The following SPINDOC variants were observed in gnomAD, a reference collection of about 807,000 sequenced individuals.
SPINDOC encodes the protein spindlin interactor and repressor of chromatin-binding protein.
Under a neutral mutation model 30.7 loss-of-function variants are expected in SPINDOC, and 13 were observed. The ratio of observed to expected loss-of-function variants is 0.42; its 90% CI spans 0.28 to 0.67. The LOEUF is 0.67. SPINDOC is among the 30% of genes least tolerant of loss of function. SPINDOC has a pLI of 0.22. For missense variants in SPINDOC, 438 were observed against 518.0 expected (o/e 0.85, Z 1.50); for synonymous variants, 228 against 211.4 (o/e 1.08, Z -0.68).
Position 63,827,392 on chromosome 11 carries a change from G to T in SPINDOC, c.*253G>T. The T allele has an allele frequency of 1.7e-6, 1 of 581,790 alleles. No individual in the cohort carries two copies. The highest frequency in any genetic ancestry group is 3.0e-6 in the Non-Finnish European group (1 of 330,228). 36.0% of individuals were successfully genotyped at this position (581,790 alleles called of 1,614,324 possible). A position where few individuals can be genotyped will look rare whatever the true frequency, so the allele number is the denominator to read the frequency against. ...GGGCCTGTGGAGAACACCTACCCCA[G>T]TCCTTCGCTGACCCCCACCTCTGTT... On this transcript the variant is annotated 3_prime_UTR_variant, in exon 6 of 6. Coordinates refer to ENST00000294244, the MANE Select transcript of SPINDOC (RefSeq NM_138471.3).
intron 5 of SPINDOC, among the ~76,000 whole-genome samples, chr11:63,826,338 C>G (rs938725641): frequency 6.6e-6 from 1 of 152,178 alleles, no homozygotes; most frequent in African/African-American, 2.4e-5. Context: ...GCCTCGAGGC[C>G]CAGCTTTGCC....
chr11:63,818,921 A>T lies in SPINDOC; in HGVS notation c.853A>T (p.Arg285Trp), dbSNP rs768380262. The T allele has an allele frequency of 6.2e-7, 1 of 1,614,158 alleles. No individual in the cohort carries two copies. Among genetic ancestry groups the T allele is most frequent in the Non-Finnish European group, 8.5e-7 (1 of 1,180,036 alleles). The change falls in exon 5 of 6, where the codon AGG becomes TGG. Residue 285 changes from arginine (R) to tryptophan (W), a missense_variant. Physicochemically the swap from Arg to Trp is moderately radical, Grantham distance 101. Around this residue, in one of 3 missense-constraint regions of SPINDOC, gnomAD observed 300 missense variants for 332.8 expected, o/e 0.90. Coordinates refer to ENST00000294244, the MANE Select transcript of SPINDOC (RefSeq NM_138471.3). The surrounding 1 kb of genome is among the most constrained non-coding windows in gnomAD (Gnocchi z 5.3). ...VLQLFSHTQL[R>W]GPDSKDSPKD... ...GCAGCTCTTCTCCCACACCCAGCTC[A>T]GGGGCCCAGACAGCAAGGACTCACC...
chr11:63,813,710 C>G lies in SPINDOC; in HGVS notation c.24C>G (p.Ala8=). 1 of 1,585,844 alleles carries G rather than the reference C, an allele frequency of 6.3e-7. No homozygotes were observed. The highest frequency in any genetic ancestry group is 8.6e-7 in the Non-Finnish European group (1 of 1,168,852). The change falls in exon 1 of 6, where the codon GCC becomes GCG. Residue 8 remains alanine (A), a synonymous_variant. Transcript: ENST00000294244. ...CCATGGCCCTAAAGGCCGAGGGCGC[C>G]GCACTCGACTGCTTCGAGGTGACGC... The part of the protein sequence containing the change: MALKAEG[A]ALDCFEVTLK...
At chr11:63,822,586 C>T in intron 5 of SPINDOC, 8 of 1,288,486 alleles carry the variant, frequency 6.2e-6, no homozygotes, top group Non-Finnish European at 8.1e-6. Flanking sequence ...GATCTCGAGG[C>T]AGGCCTCACC....
intron 1 of SPINDOC, among the ~76,000 whole-genome samples, chr11:63,815,266 G>A (rs547184609): frequency 6.6e-6 from 1 of 152,340 alleles, no homozygotes; most frequent in East Asian, 1.9e-4. Flanking sequence ...TCTGCAGGAA[G>A]AGCATTTCAG....
At chr11:63,825,408 CCT>C (rs1389199305) in intron 5 of SPINDOC, among the ~76,000 whole-genome samples, 6 of 152,182 alleles carry the variant, frequency 3.9e-5, no homozygotes, top group African/African-American at 7.2e-5. Flanking sequence ...TCTGTGGTCC[CCT>C]GTCAGCTTTC....
intron 1 of SPINDOC, among the ~76,000 whole-genome samples, chr11:63,816,495 T>C (rs2015342838): frequency 6.6e-6 from 1 of 152,056 alleles, no homozygotes; most frequent in African/African-American, 2.4e-5. Context: ...GAGAGATAGG[T>C]ACAAGACATA....
chr11:63,827,257 G>A lies in SPINDOC; in HGVS notation c.*118G>A. 2 of 1,480,570 alleles carry A rather than the reference G, an allele frequency of 1.4e-6. No individual in the cohort carries two copies. Among genetic ancestry groups the A allele is most frequent in the Non-Finnish European group, 1.8e-6 (2 of 1,107,044 alleles). The allele number at this position is 1,480,570 out of a possible 1,614,324, so 91.7% of individuals were successfully genotyped here. A position where few individuals can be genotyped will look rare whatever the true frequency, so the allele number is the denominator to read the frequency against. On this transcript the variant is annotated 3_prime_UTR_variant, in exon 6 of 6. Transcript: ENST00000294244. ...AGAGTAGAAACAGGTGCCAGGGCAG[G>A]AGGGGGCTGGGGCAGCATCCACTGT... is the stretch of plus-strand genomic sequence containing the variant.
chr11:63,823,666 G>C (rs1269920666), intron 5 of SPINDOC, among the ~76,000 whole-genome samples: 1 of 152,070 alleles, frequency 6.6e-6, no homozygotes, highest in Non-Finnish European at 1.5e-5. Context: ...CGTGATCTTG[G>C]CTCACTGCAA....
At position 63,827,555 on chromosome 11, in the gene SPINDOC, TC is replaced by T. The variant is rs1405765211; in HGVS notation, c.*417del. 2 of 233,106 alleles carry T rather than the reference TC, an allele frequency of 8.6e-6. No individual in the cohort carries two copies. The highest frequency in any genetic ancestry group is 1.7e-5 in the Non-Finnish European group (2 of 115,810). 14.4% of individuals were successfully genotyped at this position (233,106 alleles called of 1,614,324 possible). On this transcript the variant is annotated 3_prime_UTR_variant, in exon 6 of 6. Coordinates refer to ENST00000294244, the MANE Select transcript of SPINDOC (RefSeq NM_138471.3). The stretch of plus-strand genomic sequence containing the variant: ...GGGGACACCTCTCCTCCCCACTTGT[TC>T]AGGCTTCTAAACCAGGAGGCCTCCA...
Position 63,818,210 on chromosome 11 carries a change from C to T in SPINDOC, c.458-6C>T, listed in dbSNP as rs1302347787. 17 of 1,613,988 alleles carry T rather than the reference C, an allele frequency of 1.1e-5. No individual in the cohort carries two copies. Among genetic ancestry groups the T allele is most frequent in the Non-Finnish European group, 1.3e-5 (15 of 1,180,034 alleles). ...TAGAAGCTCATTGTGCTCTTGCTCC[C>T]TGCAGACTCGGGCCAGGATGCCCAC... On this transcript the variant is annotated splice_region_variant and splice_polypyrimidine_tract_variant and intron_variant, in intron 2 of 5. Coordinates refer to ENST00000294244, the MANE Select transcript of SPINDOC (RefSeq NM_138471.3). The surrounding 1 kb of genome is among the most constrained non-coding windows in gnomAD (Gnocchi z 5.3).
rs114389155 is a variant in SPINDOC at position 63,827,333 on chromosome 11, G to A, written c.*194G>A. 2,971 of 980,978 alleles carry A rather than the reference G, an allele frequency of 3.0e-3. 67 individuals are homozygous for A. The African/African-American group carries it at 0.038, about 13-fold the overall frequency. The allele number at this position is 980,978 out of a possible 1,614,324, so 60.8% of individuals were successfully genotyped here. ...GTTCCTGGCCAGGCCTGAGGTCGGC[G>A]AGGGTGGCTGAGGCTGTTGTGCAGT... On this transcript the variant is annotated 3_prime_UTR_variant, in exon 6 of 6. Transcript: ENST00000294244.
intron 5 of SPINDOC, 40 bp from the exon 6 acceptor site, chr11:63,826,888 T>C (rs1441914417): frequency 9.8e-7 from 1 of 1,023,418 alleles, no homozygotes; most frequent in Non-Finnish European, 1.5e-6. Context: ...GTGGGGTGTC[T>C]GGGGGGCTCT....
intron 1 of SPINDOC, 118 bp from the exon 2 acceptor site, chr11:63,817,686 CT>C: frequency 1.1e-6 from 1 of 921,010 alleles, no homozygotes; most frequent in South Asian, 1.8e-5. Context: ...AAGAAGAACA[CT>C]TTGGCCAGAA....
At chr11:63,820,639 C>T (rs2015489555) in intron 5 of SPINDOC, among the ~76,000 whole-genome samples, 1 of 151,794 alleles carries the variant, frequency 6.6e-6, no homozygotes, top group African/African-American at 2.4e-5. Flanking sequence ...CGCCTGTAAT[C>T]CCAGCACTTT....
Position 63,827,222 on chromosome 11 carries a change from C to T in SPINDOC, c.*83C>T. 2.6e-6 allele frequency: 4 copies of T among 1,550,092 alleles called. No individual in the cohort carries two copies. The highest frequency in any genetic ancestry group is 1.9e-4 in the Middle Eastern group (1 of 5,394). ...AACTCAGAGCTGCCTGGCTCACCCA[C>T]CTGGTGGAGAGAGTAGAAACAGGTG... is the stretch of plus-strand genomic sequence containing the variant. On this transcript the variant is annotated 3_prime_UTR_variant, in exon 6 of 6. Transcript: ENST00000294244.
In SPINDOC at chr11:63,818,727, G is replaced by A. The variant is rs74460934; in HGVS notation, c.733+75G>A. 7.7e-4 allele frequency: 1,249 copies of A among 1,611,846 alleles called. 7 individuals are homozygous for A. In the African/African-American group the frequency reaches 0.015, roughly 19 times the overall value. On this transcript the variant is annotated intron_variant, in intron 4 of 5. Transcript: ENST00000294244. This position sits in a 1 kb window ranked among gnomAD's most constrained non-coding sequence, Gnocchi z 5.3. The stretch of plus-strand genomic sequence containing the variant: ...GGAAATCCGCATCAGTGAGGATGGA[G>A]CAGGGCCTGGGCGCAGGGCGCCTGC...
At chr11:63,816,755 G>T (rs1283949495) in intron 1 of SPINDOC, among the ~76,000 whole-genome samples, 1 of 152,192 alleles carries the variant, frequency 6.6e-6, no homozygotes, top group Admixed American at 6.5e-5. Flanking sequence ...GTGATGCCCT[G>T]TGAAAGCTTA....
chr11:63,814,243 G>C (rs2135130202), intron 1 of SPINDOC, among the ~76,000 whole-genome samples: 1 of 152,336 alleles, frequency 6.6e-6, no homozygotes, highest in African/African-American at 2.4e-5. Flanking sequence ...CTCTAGGCCG[G>C]AGGCTACAGG....
Sources: allele counts gnomAD v4.1 joint callset (sites outside exome capture counted in the v4.1 genomes callset), GRCh38; gene constraint gnomAD v4.1.1; regional missense constraint gnomAD v4.1.1; non-coding constraint Gnocchi (gnomAD v3.1); transcripts MANE v1.5; gene names NCBI Gene and HGNC (gene_info 2026-07-23, HGNC 2026-07-21).